The following KLHL6 variants were observed in gnomAD, a reference collection of about 807,000 sequenced individuals.
KLHL6 encodes kelch like family member 6.
KLHL6 carries 41 observed loss-of-function variants against 58.6 expected under a neutral mutation model. The observed-to-expected ratio is 0.70, with a 90% CI of 0.55 to 0.91. KLHL6 has a LOEUF of 0.91. KLHL6 is among the 40% of genes least tolerant of loss of function. The pLI, the probability that KLHL6 is intolerant of heterozygous loss-of-function variation, is 0.00. For missense variants in KLHL6, 714 were observed against 805.6 expected (o/e 0.89, Z 1.38); for synonymous variants, 338 against 322.7 (o/e 1.05, Z -0.51).
Position 183,527,931 on chromosome 3 carries a change from T to A in KLHL6, c.373A>T (p.Thr125Ser), listed in dbSNP as rs774665982. 9 of 1,613,968 alleles carry A rather than the reference T, an allele frequency of 5.6e-6. No individual in the cohort carries two copies. The South Asian group carries it at 9.9e-5, about 18-fold the overall frequency. ...CTGGTGTACGTGTAGTCCAACAGAG[T>A]GTGCATGGTCTCAGCATCAACCCCT... is the stretch of plus-strand genomic sequence containing the variant. The part of the protein sequence containing the change: ...IKGVDAETMH[T>S]LLDYTYTSKA... The change falls in exon 2 of 7, where the codon ACT becomes TCT. Residue 125 changes from threonine (T) to serine (S), a missense_variant. Thr to Ser is a moderately conservative substitution (Grantham distance 58). Around this residue, in one of 2 missense-constraint regions of KLHL6, gnomAD observed 204 missense variants for 175.9 expected, o/e 1.16. Coordinates refer to ENST00000341319, the MANE Select transcript of KLHL6 (RefSeq NM_130446.4).
chr3:183,527,719 T>C, intron 2 of KLHL6, 126 bp downstream of exon 2: 2 of 744,612 alleles, frequency 2.7e-6, no homozygotes, highest in South Asian at 3.6e-5. Context: ...TGTGTGTTTG[T>C]GTGCGTGTGT....
chr3:183,522,104 T>C (rs1015674125), intron 2 of KLHL6, among the ~76,000 whole-genome samples: 1 of 149,334 alleles, frequency 6.7e-6, no homozygotes, highest in Non-Finnish European at 1.5e-5. Context: ...GCCAGGTGGA[T>C]CACCTGAGGT....
At chr3:183,549,493 T>G (rs1712836144) in intron 1 of KLHL6, among the ~76,000 whole-genome samples, 1 of 152,216 alleles carries the variant, frequency 6.6e-6, no homozygotes, top group South Asian at 2.1e-4. Context: ...ATTTCATGGC[T>G]AAATCCAACT....
At chr3:183,496,006 TACTGC>T (rs1717703540) in intron 4 of KLHL6, among the ~76,000 whole-genome samples, 2 of 152,204 alleles carry the variant, frequency 1.3e-5, no homozygotes, top group South Asian at 2.1e-4. Flanking sequence ...ATTCAAATGT[TACTGC>T]TACAGAAGTA....
At chr3:183,518,954 T>C (rs1711647753) in intron 2 of KLHL6, among the ~76,000 whole-genome samples, 1 of 152,098 alleles carries the variant, frequency 6.6e-6, no homozygotes, top group African/African-American at 2.4e-5. Flanking sequence ...TTGCTTCCCA[T>C]CCCAGGCCAA....
Position 183,512,699 on chromosome 3 carries a change from C to T in KLHL6, c.460-4191G>A, listed in dbSNP as rs143001236. Among the ~76,000 whole-genome samples, 814 of 152,248 alleles carry T rather than the reference C, an allele frequency of 5.3e-3. 11 individuals are homozygous for T. Among genetic ancestry groups the T allele is most frequent in the African/African-American group, 0.019 (779 of 41,544 alleles). ...AGAGATGAGGTTTCTCTATGTTGAT[C>T]AGGCTGGTCTCGAACTCCTGACCTC... On this transcript the variant is annotated intron_variant, in intron 2 of 6. Coordinates refer to ENST00000341319, the MANE Select transcript of KLHL6 (RefSeq NM_130446.4).
At chr3:183,535,433 T>C (rs1712334076) in intron 1 of KLHL6, among the ~76,000 whole-genome samples, 1 of 152,170 alleles carries the variant, frequency 6.6e-6, no homozygotes. Flanking sequence ...CTCGTGAATG[T>C]CATATAAATA....
intron 3 of KLHL6, among the ~76,000 whole-genome samples, chr3:183,506,875 A>T (rs1187546795): frequency 2.0e-5 from 3 of 148,580 alleles, no homozygotes; most frequent in African/African-American, 7.4e-5. Flanking sequence ...TAAATAAATA[A>T]AAGGAGAAGT....
At chr3:183,525,617 C>G (rs1218124897) in intron 2 of KLHL6, among the ~76,000 whole-genome samples, 1 of 152,128 alleles carries the variant, frequency 6.6e-6, no homozygotes, top group East Asian at 1.9e-4. Context: ...GTGACTGACC[C>G]AGGGTTTAAA....
At chr3:183,547,356 A>T (rs1712761172) in intron 1 of KLHL6, among the ~76,000 whole-genome samples, 1 of 152,250 alleles carries the variant, frequency 6.6e-6, no homozygotes, top group Non-Finnish European at 1.5e-5. Flanking sequence ...GGCAAAGCAC[A>T]TCTGGCTCCC....
At chr3:183,501,396 G>A (rs1363921316) in intron 3 of KLHL6, among the ~76,000 whole-genome samples, 1 of 152,206 alleles carries the variant, frequency 6.6e-6, no homozygotes, top group Non-Finnish European at 1.5e-5. Flanking sequence ...CTCTTTCGGA[G>A]GGGATCTAGG....
At chr3:183,524,368 T>C (rs903399587) in intron 2 of KLHL6, among the ~76,000 whole-genome samples, 1 of 152,212 alleles carries the variant, frequency 6.6e-6, no homozygotes, top group African/African-American at 2.4e-5. Context: ...ATGCTTCTCT[T>C]ACTTTTACCT....
intron 2 of KLHL6, among the ~76,000 whole-genome samples, chr3:183,527,210 T>C (rs1051895136): frequency 6.6e-6 from 1 of 151,874 alleles, no homozygotes; most frequent in African/African-American, 2.4e-5. Context: ...AGGGAAAGGC[T>C]AAAAATGCAC....
chr3:183,549,012 G>A (rs529117498), intron 1 of KLHL6: 1 of 151,774 alleles, frequency 6.6e-6, no homozygotes, highest in South Asian at 2.1e-4. Flanking sequence ...GGGGACAAGG[G>A]GAGGGAGAGC....
At position 183,500,448 on chromosome 3, in the gene KLHL6, C is replaced by G. The variant is rs183088838; in HGVS notation, c.910-621G>C. Among the ~76,000 whole-genome samples, 256 of 152,204 alleles carry G rather than the reference C, an allele frequency of 1.7e-3. 1 individual carries two copies. The highest frequency in any genetic ancestry group is 5.5e-3 in the African/African-American group (230 of 41,520). ...AAATCCATACTATGGGTATTTGAAC[C>G]CTGCTGAAAGAGCAGAGGTTCAGAA... On this transcript the variant is annotated intron_variant, in intron 3 of 6. Coordinates refer to ENST00000341319, the MANE Select transcript of KLHL6 (RefSeq NM_130446.4).
intron 3 of KLHL6, among the ~76,000 whole-genome samples, chr3:183,503,204 C>T (rs1717916307): frequency 6.6e-6 from 1 of 152,264 alleles, no homozygotes; most frequent in African/African-American, 2.4e-5. Flanking sequence ...TACTAGGGGA[C>T]AGAGTGAGCA....
In KLHL6 at chr3:183,494,208, T is replaced by C. The variant is rs911215532; in HGVS notation, c.1221A>G (p.Leu407=). The part of the protein sequence containing the change: ...SINKWIQIEY[L]NIGRWRHKMV... Reference sequence around the variant, plus strand: ...TCTTATGCCTCCAGCGGCCTATGTTTAAATACTCAATCTGAATCCACTTGT... The same window carrying C: ...TCTTATGCCTCCAGCGGCCTATGTTCAAATACTCAATCTGAATCCACTTGT... The change falls in exon 5 of 7, where the codon TTA becomes TTG. Residue 407 remains leucine, a synonymous_variant. Transcript: ENST00000341319. 1.6e-5 allele frequency: 26 copies of C among 1,613,976 alleles called. No homozygotes were observed. The highest frequency in any genetic ancestry group is 2.1e-5 in the Non-Finnish European group (25 of 1,179,934).
intron 1 of KLHL6, among the ~76,000 whole-genome samples, chr3:183,541,530 A>T (rs1019048517): frequency 1.3e-5 from 2 of 152,192 alleles, no homozygotes; most frequent in Non-Finnish European, 2.9e-5. Context: ...TGGTCCTCCC[A>T]GGTAACTTAT....
intron 4 of KLHL6, 69 bp from the exon 5 acceptor site, chr3:183,494,350 C>G: frequency 7.4e-7 from 1 of 1,356,882 alleles, no homozygotes; most frequent in Non-Finnish European, 1.0e-6. Context: ...CCATAATATC[C>G]CACATGTCCA....
Sources: allele counts gnomAD v4.1 joint callset (sites outside exome capture counted in the v4.1 genomes callset), GRCh38; gene constraint gnomAD v4.1.1; regional missense constraint gnomAD v4.1.1; transcripts MANE v1.5; gene names NCBI Gene and HGNC (gene_info 2026-07-23, HGNC 2026-07-21).